The following UPP2 variants were observed in gnomAD, a reference collection of about 807,000 sequenced individuals.
UPP2 encodes UPase 2.
A neutral mutation model predicts 26.7 loss-of-function variants in UPP2; 23 were observed. The ratio of observed to expected loss-of-function variants is 0.86; its 90% CI spans 0.62 to 1.22. The LOEUF is 1.22. Among genes scored for constraint, UPP2 ranks in the 50% most tolerant of loss-of-function variants. The pLI is 0.00. For missense variants in UPP2, 387 were observed against 396.7 expected, an observed-to-expected ratio of 0.98 and a Z score of 0.21; for synonymous variants, 127 against 141.3, an observed-to-expected ratio of 0.90 and a Z score of 0.72.
intron 3 of UPP2, among the ~76,000 whole-genome samples, chr2:158,039,611 A>G (rs1684056960): frequency 6.6e-6 from 1 of 152,202 alleles, no homozygotes; most frequent in Admixed American, 6.5e-5. Flanking sequence ...TGTCCCAACT[A>G]AGGCTTAGGT....
chr2:158,072,867 A>C (rs1682565417), intron 3 of UPP2, among the ~76,000 whole-genome samples: 1 of 152,192 alleles, frequency 6.6e-6, no homozygotes, highest in Admixed American at 6.5e-5. Flanking sequence ...AGATGGGCAC[A>C]AACAAGCCCA....
At chr2:158,117,553 C>T (rs1313684659) in intron 3 of UPP2, among the ~76,000 whole-genome samples, 1 of 151,952 alleles carries the variant, frequency 6.6e-6, no homozygotes, top group East Asian at 1.9e-4. Context: ...GTATACCACA[C>T]CATCCCCACC....
intron 6 of UPP2, 128 bp downstream of exon 6, chr2:158,124,023 A>G (rs1683635355): frequency 1.0e-6 from 1 of 955,872 alleles, no homozygotes; most frequent in Non-Finnish European, 1.5e-6. Context: ...ATAATTGTAT[A>G]TAATATACAT....
chr2:158,114,610 C>T (rs1281449359), intron 2 of UPP2, among the ~76,000 whole-genome samples: 1 of 152,114 alleles, frequency 6.6e-6, no homozygotes, highest in Admixed American at 6.6e-5. Context: ...GACATGATTC[C>T]TTTAAAATTT....
upstream of UPP2, among the ~76,000 whole-genome samples, chr2:158,101,267 T>C (rs1422623880): frequency 1.3e-5 from 2 of 152,228 alleles, no homozygotes; most frequent in East Asian, 3.8e-4. Flanking sequence ...AGTGAATTCA[T>C]GCCTTTCTTG....
upstream of UPP2, among the ~76,000 whole-genome samples, chr2:158,097,686 G>A (rs1221838033): frequency 6.6e-6 from 1 of 152,068 alleles, no homozygotes; most frequent in Non-Finnish European, 1.5e-5. Flanking sequence ...ACCAACCCTC[G>A]GGGGAAGGTA....
At chr2:158,068,791 TA>T (rs1682483884) in intron 3 of UPP2, among the ~76,000 whole-genome samples, 10 of 16,678 alleles carry the variant, frequency 6.0e-4, no homozygotes, top group African/African-American at 2.1e-3. Flanking sequence ...TATATATATA[TA>T]TATATATATA....
upstream of UPP2, among the ~76,000 whole-genome samples, chr2:158,098,753 C>T (rs1468970030): frequency 6.6e-6 from 1 of 152,146 alleles, no homozygotes; most frequent in African/African-American, 2.4e-5. Flanking sequence ...ACTATTTAAA[C>T]CAAAGACAGA....
chr2:158,039,571 C>T (rs552174013), intron 3 of UPP2, among the ~76,000 whole-genome samples: 37 of 152,124 alleles, frequency 2.4e-4, no homozygotes, highest in Non-Finnish European at 4.6e-4. Context: ...ATTTTAATGG[C>T]CATTGCCGAG....
chr2:158,046,608 C>T (rs1227328746), intron 3 of UPP2, among the ~76,000 whole-genome samples: 3 of 152,178 alleles, frequency 2.0e-5, no homozygotes, highest in African/African-American at 4.8e-5. Flanking sequence ...CTATGGTTAA[C>T]GTTATGACCA....
chr2:158,071,475 C>T (rs1213295186), intron 3 of UPP2, among the ~76,000 whole-genome samples: 1 of 142,876 alleles, frequency 7.0e-6, no homozygotes, highest in Admixed American at 7.5e-5. Flanking sequence ...TGCTTGAACC[C>T]GGGAGGTGGA....
chr2:158,087,794 T>C (rs1682840471), intron 3 of UPP2, among the ~76,000 whole-genome samples: 1 of 152,162 alleles, frequency 6.6e-6, no homozygotes. Flanking sequence ...GATAATTGTT[T>C]TGTTTAAGGA....
chr2:158,030,303 C>T (rs140727356), intron 3 of UPP2, among the ~76,000 whole-genome samples: 368 of 152,246 alleles, frequency 2.4e-3, no homozygotes, highest in African/African-American at 8.5e-3. Context: ...TTAATATCAA[C>T]AAGTAATTTA....
Position 158,069,556 on chromosome 2 carries a change from T to C in UPP2, c.148-32484T>C, listed in dbSNP as rs115831349. Among the ~76,000 whole-genome samples, 431 of 152,348 alleles carry C rather than the reference T, an allele frequency of 2.8e-3. 1 individual carries two copies. The highest frequency in any genetic ancestry group is 9.7e-3 in the African/African-American group (404 of 41,576). On this transcript the variant is annotated intron_variant, in intron 3 of 9. Coordinates refer to the UPP2 transcript ENST00000605860. ...TACAGCTTATTTAGTGCCTGGCTTC[T>C]ACAGTGCACCGTGGTCGTCAGCTTC...
chr2:158,093,095 A>G (rs541168494), intron 3 of UPP2, among the ~76,000 whole-genome samples: 7 of 152,136 alleles, frequency 4.6e-5, no homozygotes, highest in African/African-American at 9.6e-5. Flanking sequence ...TAATTCTTGT[A>G]TTTTTAGTAG....
intron 4 of UPP2, among the ~76,000 whole-genome samples, 157 bp downstream of exon 4, chr2:158,118,095 A>C (rs1019513252): frequency 6.6e-6 from 1 of 151,976 alleles, no homozygotes. Flanking sequence ...ATCTGCCCAC[A>C]TTGCCTTTTT....
chr2:158,037,231 TG>T (rs141453065), intron 3 of UPP2, among the ~76,000 whole-genome samples: 8,097 of 151,730 alleles, frequency 0.053, 649 homozygotes, highest in African/African-American at 0.18. Context: ...AAAAATTAGC[TG>T]GGTGTGGTGG....
At chr2:158,075,039 C>A (rs918672554) in intron 3 of UPP2, among the ~76,000 whole-genome samples, 3 of 151,736 alleles carry the variant, frequency 2.0e-5, no homozygotes, top group Non-Finnish European at 2.9e-5. Context: ...AAAGTCATTA[C>A]ATAATGAAAA....
At chr2:158,111,970 TG>T (rs1683328632) in intron 2 of UPP2, among the ~76,000 whole-genome samples, 1 of 152,124 alleles carries the variant, frequency 6.6e-6, no homozygotes, top group Non-Finnish European at 1.5e-5. Context: ...TCTAAGTAAA[TG>T]GGAAGACATC....
Sources: allele counts gnomAD v4.1 joint callset (sites outside exome capture counted in the v4.1 genomes callset), GRCh38; gene constraint gnomAD v4.1.1; transcripts MANE v1.5; gene names NCBI Gene and HGNC (gene_info 2026-07-23, HGNC 2026-07-21).